UBE2E2: variants seen among roughly 807,000 people sequenced by gnomAD.
UBE2E2 encodes ubiquitin-conjugating enzyme E2 E2.
UBE2E2 carries 6 observed loss-of-function variants against 24.7 expected under a neutral mutation model. That is an observed-to-expected ratio of 0.24 (90% CI 0.13 to 0.48). The LOEUF is 0.48. Ranked by LOEUF, UBE2E2 falls within the 20% of genes least tolerant of loss-of-function variation. The pLI, the probability that UBE2E2 is intolerant of heterozygous loss-of-function variation, is 0.99. For synonymous variants in UBE2E2, 104 were observed against 83.6 expected (o/e 1.24, Z -1.33); for missense variants, 169 against 245.0 (o/e 0.69, Z 2.07).
chr3:23,403,317 A>G (rs755726403), intron 3 of UBE2E2, among the ~76,000 whole-genome samples: 7 of 152,230 alleles, frequency 4.6e-5, no homozygotes, highest in African/African-American at 1.4e-4. Flanking sequence ...TCACTTCTCC[A>G]TTAATAGTCA....
At chr3:23,268,491 A>G (rs1436648284) in intron 3 of UBE2E2, among the ~76,000 whole-genome samples, 2 of 150,854 alleles carry the variant, frequency 1.3e-5, no homozygotes, top group Non-Finnish European at 3.0e-5. Flanking sequence ...AATCCAACTT[A>G]CAAGGGATGT....
At chr3:23,271,712 C>T (rs1698247952) in intron 3 of UBE2E2, among the ~76,000 whole-genome samples, 1 of 152,114 alleles carries the variant, frequency 6.6e-6, no homozygotes, top group South Asian at 2.1e-4. Flanking sequence ...ACTAGATTAA[C>T]TAGACACAGA....
chr3:23,524,061 A>G (rs1463486604), intron 4 of UBE2E2, among the ~76,000 whole-genome samples: 1 of 152,150 alleles, frequency 6.6e-6, no homozygotes, highest in Non-Finnish European at 1.5e-5. Context: ...TTATGTCCTT[A>G]TCAAAATTTT....
At chr3:23,524,857 G>GAC (rs772415833) in intron 4 of UBE2E2, among the ~76,000 whole-genome samples, 249 of 128,782 alleles carry the variant, frequency 1.9e-3, no homozygotes, top group Middle Eastern at 7.9e-3. Context: ...GATACACACA[G>GAC]ACACACAGAC....
rs1411528785 is a variant in UBE2E2 at position 23,310,324 on chromosome 3, C to T, written c.227+93012C>T. ...CCTTTTTTTTTTTTTTACAAAAATT[C>T]TGCTAATTTGGGGTATTTTTGAGTT... is the stretch of plus-strand genomic sequence containing the variant. On this transcript the variant is annotated intron_variant, in intron 3 of 5. Transcript: ENST00000396703. 1.4e-3 allele frequency among the ~76,000 whole-genome samples: 172 copies of T among 126,654 alleles called. 2 individuals are homozygous for T. Among genetic ancestry groups the T allele is most frequent in the East Asian group, 4.7e-4 (2 of 4,272 alleles). 83.1% of individuals were successfully genotyped at this position (126,654 alleles called of 152,430 possible).
intron 3 of UBE2E2, among the ~76,000 whole-genome samples, chr3:23,229,627 C>G (rs1174031413): frequency 6.6e-6 from 1 of 152,184 alleles, no homozygotes; most frequent in Non-Finnish European, 1.5e-5. Context: ...AACCTTGTTT[C>G]TGACTTCAGA....
intron 3 of UBE2E2, among the ~76,000 whole-genome samples, chr3:23,289,377 C>T (rs1351241470): frequency 6.6e-6 from 1 of 152,192 alleles, no homozygotes; most frequent in Non-Finnish European, 1.5e-5. Context: ...GATACCAGCT[C>T]AGTACAGTAC....
intron 3 of UBE2E2, among the ~76,000 whole-genome samples, chr3:23,230,393 C>G (rs1696942286): frequency 6.6e-6 from 1 of 152,124 alleles, no homozygotes; most frequent in African/African-American, 2.4e-5. Flanking sequence ...TTGCTTATTT[C>G]ACTGATAGAA....
At chr3:23,397,810 G>T (rs2125367532) in intron 3 of UBE2E2, among the ~76,000 whole-genome samples, 1 of 152,224 alleles carries the variant, frequency 6.6e-6, no homozygotes, top group Middle Eastern at 3.4e-3. Flanking sequence ...TTAAGCTCCA[G>T]ACTCCAGGAG....
chr3:23,531,371 TAATC>T (rs148132110), intron 4 of UBE2E2, among the ~76,000 whole-genome samples: 2,644 of 152,306 alleles, frequency 0.017, 76 homozygotes, highest in African/African-American at 0.059. Context: ...AACATAATAT[TAATC>T]AATAATATTC....
chr3:23,504,852 A>G lies in UBE2E2; in HGVS notation c.360+5112A>G, dbSNP rs1232643757. ...ATTATGTTGGGGTTTTTTCCTACCA[A>G]AAACACTTTGAAAATATTGTGACAC... On this transcript the variant is annotated intron_variant, in intron 4 of 5. Transcript: ENST00000396703. Among the ~76,000 whole-genome samples the G allele has an allele frequency of 2.7e-5, 4 of 150,430 alleles. No homozygotes were observed. The East Asian group carries it at 7.8e-4, about 29-fold the overall frequency.
At chr3:23,521,860 G>A (rs929666316) in intron 4 of UBE2E2, among the ~76,000 whole-genome samples, 6 of 152,012 alleles carry the variant, frequency 3.9e-5, no homozygotes, top group Non-Finnish European at 8.8e-5. Flanking sequence ...AGAAAGCTTT[G>A]GGTTCTGGTT....
At chr3:23,439,683 A>C (rs1698257974) in intron 3 of UBE2E2, among the ~76,000 whole-genome samples, 2 of 152,308 alleles carry the variant, frequency 1.3e-5, no homozygotes, top group South Asian at 4.2e-4. Flanking sequence ...CACATCTTAT[A>C]ACAATGGAAA....
At chr3:23,584,122 C>T (rs1696549443) in intron 5 of UBE2E2, among the ~76,000 whole-genome samples, 1 of 152,122 alleles carries the variant, frequency 6.6e-6, no homozygotes, top group Non-Finnish European at 1.5e-5. Context: ...GGGTTTTTAA[C>T]ATGATGATAT....
chr3:23,582,278 C>T (rs71322201), intron 5 of UBE2E2, among the ~76,000 whole-genome samples: 9,687 of 152,062 alleles, frequency 0.064, 469 homozygotes, highest in Non-Finnish European at 0.087. Flanking sequence ...ATATATACCA[C>T]GGTTTTTTTC....
chr3:23,408,617 A>C (rs1354710584), intron 3 of UBE2E2, among the ~76,000 whole-genome samples: 1 of 152,152 alleles, frequency 6.6e-6, no homozygotes, highest in African/African-American at 2.4e-5. Flanking sequence ...TTTGAAGTGA[A>C]CTTTTGGCAA....
At chr3:23,250,743 G>A (rs1320046142) in intron 3 of UBE2E2, among the ~76,000 whole-genome samples, 2 of 152,138 alleles carry the variant, frequency 1.3e-5, no homozygotes, top group Non-Finnish European at 2.9e-5. Flanking sequence ...ATTCTGTTGA[G>A]TTTTTCTGTT....
chr3:23,296,346 G>A (rs1698907839), intron 3 of UBE2E2, among the ~76,000 whole-genome samples: 1 of 151,616 alleles, frequency 6.6e-6, no homozygotes, highest in African/African-American at 2.4e-5. Context: ...TTAAGTTTTA[G>A]GGTACATGTG....
chr3:23,348,469 T>C (rs1203807560), intron 3 of UBE2E2, among the ~76,000 whole-genome samples: 1 of 152,074 alleles, frequency 6.6e-6, no homozygotes, highest in African/African-American at 2.4e-5. Context: ...AGTTCAAAGA[T>C]AAGACAATAG....
Sources: gnomAD v4.1 joint callset for allele counts (sites outside exome capture counted in the v4.1 genomes callset) on GRCh38, gnomAD v4.1.1 for gene constraint, MANE v1.5 for transcripts, NCBI Gene and HGNC (gene_info 2026-07-23, HGNC 2026-07-21) for gene names.